The following ARHGAP11A variants were observed in gnomAD, a reference collection of about 807,000 sequenced individuals.
ARHGAP11A encodes Rho GTPase activating protein 11A.
Under a neutral mutation model 60.5 loss-of-function variants are expected in ARHGAP11A, and 36 were observed. That is an observed-to-expected ratio of 0.59 (90% CI 0.46 to 0.79). ARHGAP11A has a LOEUF of 0.79. Ranked by LOEUF, ARHGAP11A falls within the 30% of genes least tolerant of loss-of-function variation. ARHGAP11A has a pLI of 0.00. For synonymous variants in ARHGAP11A, 362 were observed against 415.5 expected (o/e 0.87, Z 1.57); for missense variants, 1,071 against 1,199.2 (o/e 0.89, Z 1.58).
At chr15:32,623,379 T>G (rs1038306303) in intron 2 of ARHGAP11A, 113 bp from the exon 3 acceptor site, 26 of 884,226 alleles carry the variant, frequency 2.9e-5, no homozygotes, top group Non-Finnish European at 4.0e-5. Context: ...CTACAGAGAT[T>G]TGTGGCTTTA....
intron 9 of ARHGAP11A, among the ~76,000 whole-genome samples, chr15:32,633,429 T>C (rs922711266): frequency 6.6e-6 from 1 of 151,958 alleles, no homozygotes; most frequent in African/African-American, 2.4e-5. Context: ...GCACTTGAGC[T>C]CAGGAGTTCA....
At position 32,627,459 on chromosome 15, in the gene ARHGAP11A, A is replaced by G. The variant is rs529341091; in HGVS notation, c.863-1269A>G. 3.7e-4 allele frequency among the ~76,000 whole-genome samples: 56 copies of G among 152,104 alleles called. 1 individual carries two copies. The East Asian group carries it at 3.9e-3, about 11-fold the overall frequency. Reference sequence around the variant, plus strand: ...GTAAGAATCTTCTTGGCCGGGCGCGATGGCTCACGCCTGTAATTCCAGCAC... The same window carrying G: ...GTAAGAATCTTCTTGGCCGGGCGCGGTGGCTCACGCCTGTAATTCCAGCAC... On this transcript the variant is annotated intron_variant, in intron 6 of 11. Transcript: ENST00000361627.
Position 32,636,794 on chromosome 15 carries a change from T to C in ARHGAP11A, c.2021T>C (p.Phe674Ser), listed in dbSNP as rs752293185. The change falls in exon 12 of 12, where the codon TTT (phenylalanine) becomes TCT (serine). Residue 674 changes from phenylalanine (F) to serine (S), a missense_variant. Physicochemically the swap from Phe to Ser is radical, Grantham distance 155 (BLOSUM62 -2). Transcript: ENST00000361627. ...KGEKCFSERD[F>S]SPLQTQTFNR... ...GAAAAATGTTTTTCAGAGAGGGACTTTTCACCCCTTCAAACTCAAACATTT... is the reference window on the plus strand; with the variant it reads ...GAAAAATGTTTTTCAGAGAGGGACTCTTCACCCCTTCAAACTCAAACATTT... The C allele has an allele frequency of 1.4e-5, 22 of 1,610,786 alleles. No homozygotes were observed. The highest frequency in any genetic ancestry group is 7.8e-5 in the South Asian group (7 of 89,890).
Position 32,635,758 on chromosome 15 carries a change from CTT to C in ARHGAP11A, c.1345-10_1345-9del, listed in dbSNP as rs755229631. ...AACTAGGCTTATTTCTTAACTAAAACTTTTTTTTTTCTGTACAGAATGGATGT... is the reference window on the plus strand; with the variant it reads ...AACTAGGCTTATTTCTTAACTAAAACTTTTTTTTCTGTACAGAATGGATGT... On this transcript the variant is annotated splice_polypyrimidine_tract_variant and intron_variant, in intron 10 of 11. Transcript: ENST00000361627. The C allele has an allele frequency of 9.5e-6, 13 of 1,370,974 alleles. No individual in the cohort carries two copies. The highest frequency in any genetic ancestry group is 1.1e-5 in the Non-Finnish European group (11 of 1,027,974). 84.9% of individuals were successfully genotyped at this position (1,370,974 alleles called of 1,614,324 possible). A position where few individuals can be genotyped will look rare whatever the true frequency, so the allele number is the denominator to read the frequency against.
Position 32,636,767 on chromosome 15 carries a change from G to A in ARHGAP11A, c.1994G>A (p.Gly665Asp). 6.2e-7 allele frequency: 1 copy of A among 1,611,878 alleles called. No homozygotes were observed. The highest frequency in any genetic ancestry group is 8.5e-7 in the Non-Finnish European group (1 of 1,179,556). ...KEKYEHHTGK[G>D]EKCFSERDFS... The stretch of plus-strand genomic sequence containing the variant: ...AAATATGAACACCACACTGGTAAAG[G>A]TGAAAAATGTTTTTCAGAGAGGGAC... The change falls in exon 12 of 12, where the codon GGT (glycine) becomes GAT (aspartate). Residue 665 changes from glycine (G) to aspartate (D), a missense_variant. Physicochemically the swap from Gly to Asp is moderately conservative, Grantham distance 94. Transcript: ENST00000361627.
At position 32,623,353 on chromosome 15, in the gene ARHGAP11A, C is replaced by T. The variant is rs142083638; in HGVS notation, c.201-139C>T. The T allele has an allele frequency of 1.8e-3, 1,264 of 702,138 alleles. 14 individuals carry two copies. The African/African-American group carries it at 0.021, about 12-fold the overall frequency. 43.5% of individuals were successfully genotyped at this position (702,138 alleles called of 1,614,324 possible). ...GAAGCCAGTAGACAACTAAAAGTAACATTTCATCTCAAAGACTACAGAGAT... is the reference window on the plus strand; with the variant it reads ...GAAGCCAGTAGACAACTAAAAGTAATATTTCATCTCAAAGACTACAGAGAT... On this transcript the variant is annotated intron_variant, in intron 2 of 11. Coordinates refer to ENST00000361627, the MANE Select transcript of ARHGAP11A (RefSeq NM_014783.6).
At position 32,639,149 on chromosome 15, in the gene ARHGAP11A, A is replaced by G. The variant is rs904917506; in HGVS notation, c.*1304A>G. On this transcript the variant is annotated 3_prime_UTR_variant, in exon 12 of 12. Transcript: ENST00000361627. ...TATTTTAAATTATTACAAATTACAC[A>G]TCTTTGAGGAAAGAGTATTATGAAC... The G allele has an allele frequency of 6.6e-6, 1 of 152,612 alleles. No homozygotes were observed. Among genetic ancestry groups the G allele is most frequent in the East Asian group, 1.9e-4 (1 of 5,202 alleles). The allele number at this position is 152,612 out of a possible 1,614,324, so 9.5% of individuals were successfully genotyped here.
chr15:32,630,879 T>G (rs1040663998), intron 8 of ARHGAP11A, among the ~76,000 whole-genome samples: 5 of 152,108 alleles, frequency 3.3e-5, no homozygotes, highest in African/African-American at 1.2e-4. Flanking sequence ...TTTTTTTTTT[T>G]GAATATATCC....
Position 32,635,884 on chromosome 15 carries a change from C to G in ARHGAP11A, c.1452C>G (p.Ser484Arg), listed in dbSNP as rs777566903. ...CTGTAAAAACAGGTTTGCTTTTTAG[C>G]CCAGATGTTGATGAAAAGTTACCAA... is the stretch of plus-strand genomic sequence containing the variant. ...IESVKTGLLF[S>R]PDVDEKLPKK... Residue 484 changes from serine to arginine, a missense_variant, in exon 11 of 12, where the codon AGC (serine) becomes AGG (arginine). Ser to Arg is a moderately radical substitution (Grantham distance 110, BLOSUM62 -1). This residue lies in a region of ARHGAP11A where 776 missense variants were observed against 760.2 expected (regional missense o/e 1.02). Coordinates refer to ENST00000361627, the MANE Select transcript of ARHGAP11A (RefSeq NM_014783.6). 1 of 1,609,442 alleles carries G rather than the reference C, an allele frequency of 6.2e-7. No individual in the cohort carries two copies. Among genetic ancestry groups the G allele is most frequent in the South Asian group, 1.1e-5 (1 of 89,850 alleles).
chr15:32,626,326 A>C (rs1350775365), intron 6 of ARHGAP11A, among the ~76,000 whole-genome samples: 1 of 152,184 alleles, frequency 6.6e-6, no homozygotes, highest in Admixed American at 6.5e-5. Context: ...CTAAATAATG[A>C]AGGAAATATT....
chr15:32,630,679 G>C lies in ARHGAP11A; in HGVS notation c.1105+917G>C, dbSNP rs181618708. Among the ~76,000 whole-genome samples, 9 of 151,898 alleles carry C rather than the reference G, an allele frequency of 5.9e-5. No individual in the cohort carries two copies. In the East Asian group the frequency reaches 1.2e-3, roughly 20 times the overall value. Reference sequence around the variant, plus strand: ...GTCTCTTTTTTCTGTTGTCCAAAAGGGTTCTTATTTGTTTTATTGAGAAGT... The same window carrying C: ...GTCTCTTTTTTCTGTTGTCCAAAAGCGTTCTTATTTGTTTTATTGAGAAGT... On this transcript the variant is annotated intron_variant, in intron 8 of 11. Transcript: ENST00000361627.
chr15:32,636,640 A>G lies in ARHGAP11A; in HGVS notation c.1867A>G (p.Asn623Asp), dbSNP rs1444855121. The G allele has an allele frequency of 1.2e-6, 2 of 1,613,942 alleles. No homozygotes were observed. The highest frequency in any genetic ancestry group is 2.2e-5 in the South Asian group (2 of 90,986). Residue 623 changes from asparagine to aspartate, a missense_variant, in exon 12 of 12, where the codon AAT becomes GAT. Asn to Asp is a conservative substitution (Grantham distance 23). Coordinates refer to ENST00000361627, the MANE Select transcript of ARHGAP11A (RefSeq NM_014783.6). ...GAATCAGAGGCAGTCATCAGTAACT[A>G]ATGTGGGGAAAGTAAAATTAACTGA... The part of the protein sequence containing the change: ...LMNQRQSSVT[N>D]VGKVKLTEPS...
Position 32,637,113 on chromosome 15 carries a change from G to A in ARHGAP11A, c.2340G>A (p.Met780Ile). ...VVTNLSKPRP[M>I]RIAKQQSLET... ...CAAACTTGTCAAAACCTAGGCCTAT[G>A]AGAATTGCTAAACAGCAGTCATTGG... The change falls in exon 12 of 12, where the codon ATG becomes ATA. Residue 780 changes from methionine (M) to isoleucine (I), a missense_variant. Physicochemically the swap from Met to Ile is conservative, Grantham distance 10. Coordinates refer to ENST00000361627, the MANE Select transcript of ARHGAP11A (RefSeq NM_014783.6). The A allele has an allele frequency of 6.2e-7, 1 of 1,614,006 alleles. No individual in the cohort carries two copies. The highest frequency in any genetic ancestry group is 8.5e-7 in the Non-Finnish European group (1 of 1,180,040).
chr15:32,635,964 G>C (rs1422609375), intron 11 of ARHGAP11A, 49 bp downstream of exon 11: 2 of 1,529,090 alleles, frequency 1.3e-6, no homozygotes, highest in Non-Finnish European at 1.8e-6. Context: ...TCCTGCTTTA[G>C]TTGCTTTTTT....
At chr15:32,618,741 C>T (rs2053222256) in intron 1 of ARHGAP11A, among the ~76,000 whole-genome samples, 1 of 149,940 alleles carries the variant, frequency 6.7e-6, no homozygotes, top group African/African-American at 2.5e-5. Context: ...CGAGACCATC[C>T]TAGCTAACAC....
At position 32,636,373 on chromosome 15, in the gene ARHGAP11A, G is replaced by A. The variant is rs2140477611; in HGVS notation, c.1600G>A (p.Ala534Thr). ...TAATTCAAGTTTTCAAGAAGTAGATGCAAATGAAGCTTCTTCAATGGTGGA... is the reference window on the plus strand; with the variant it reads ...TAATTCAAGTTTTCAAGAAGTAGATACAAATGAAGCTTCTTCAATGGTGGA... ...PNNSSFQEVD[A>T]NEASSMVENL... Residue 534 changes from alanine to threonine, a missense_variant, in exon 12 of 12, where the codon GCA becomes ACA. Physicochemically the swap from Ala to Thr is moderately conservative, Grantham distance 58. Coordinates refer to ENST00000361627, the MANE Select transcript of ARHGAP11A (RefSeq NM_014783.6). 6.2e-7 allele frequency: 1 copy of A among 1,614,110 alleles called. No individual in the cohort carries two copies. Among genetic ancestry groups the A allele is most frequent in the Admixed American group, 1.7e-5 (1 of 60,016 alleles).
intron 6 of ARHGAP11A, among the ~76,000 whole-genome samples, chr15:32,627,656 G>C (rs1399533966): frequency 6.6e-6 from 1 of 152,136 alleles, no homozygotes; most frequent in African/African-American, 2.4e-5. Context: ...GTGAACCTGG[G>C]AGGCGGAGGT....
intron 6 of ARHGAP11A, among the ~76,000 whole-genome samples, chr15:32,626,090 TA>T (rs2053452973): frequency 6.6e-6 from 1 of 152,104 alleles, no homozygotes; most frequent in Non-Finnish European, 1.5e-5. Context: ...GGTATTATGG[TA>T]AACTTAATGC....
At position 32,636,607 on chromosome 15, in the gene ARHGAP11A, G is replaced by A. The variant is rs199884674; in HGVS notation, c.1834G>A (p.Ala612Thr). Reference sequence around the variant, plus strand: ...TTCTGAATCTGGAAGTAATCTTCACGCATTGATGAATCAGAGGCAGTCATC... The same window carrying A: ...TTCTGAATCTGGAAGTAATCTTCACACATTGATGAATCAGAGGCAGTCATC... ...AFSESGSNLH[A>T]LMNQRQSSVT... Residue 612 changes from alanine (A) to threonine (T), a missense_variant, in exon 12 of 12, where the codon GCA (alanine) becomes ACA (threonine). Ala to Thr is a moderately conservative substitution (Grantham distance 58). This residue lies in a region of ARHGAP11A where 776 missense variants were observed against 760.2 expected (regional missense o/e 1.02). Transcript: ENST00000361627. The A allele has an allele frequency of 1.6e-4, 254 of 1,614,040 alleles. No individual in the cohort carries two copies. The East Asian group carries it at 4.4e-3, about 28-fold the overall frequency.
Sources: allele counts gnomAD v4.1 joint callset (sites outside exome capture counted in the v4.1 genomes callset), GRCh38; gene constraint gnomAD v4.1.1; regional missense constraint gnomAD v4.1.1; transcripts MANE v1.5; gene names NCBI Gene and HGNC (gene_info 2026-07-23, HGNC 2026-07-21).